Variants in PTPRC observed in about 807,000 individuals in gnomAD.
PTPRC encodes protein tyrosine phosphatase receptor type C.
A neutral mutation model predicts 155.9 loss-of-function variants in PTPRC; 44 were observed. The observed-to-expected ratio is 0.28, with a 90% CI of 0.22 to 0.36. The LOEUF (loss-of-function observed/expected upper bound fraction) is 0.36. Ranked by LOEUF, PTPRC falls within the 10% of genes least tolerant of loss-of-function variation. The probability of loss-of-function intolerance (pLI) is 1.00; values close to 1 mark genes in which losing one functional copy is unlikely to be tolerated. For missense variants in PTPRC, 1,401 were observed against 1,564.6 expected, an observed-to-expected ratio of 0.90 and a Z score of 1.76; for synonymous variants, 525 against 533.1, an observed-to-expected ratio of 0.98 and a Z score of 0.21.
chr1:198,668,193 A>G (rs1305288959), intron 2 of PTPRC, among the ~76,000 whole-genome samples: 2 of 152,116 alleles, frequency 1.3e-5, no homozygotes, highest in Non-Finnish European at 2.9e-5. Flanking sequence ...CCAAAGTGGT[A>G]TCATGGTGTG....
Position 198,732,280 on chromosome 1 carries a change from G to T in PTPRC, c.1975-20G>T, listed in dbSNP as rs751337024. On this transcript the variant is annotated intron_variant, in intron 18 of 32. Coordinates refer to ENST00000442510, the MANE Select transcript of PTPRC (RefSeq NM_002838.5). ...TTTTCCTGAATCTGCTGTGATCCAA[G>T]AAATCGTTGTTTCTTTCAGAGCATC... 6.3e-7 allele frequency: 1 copy of T among 1,591,904 alleles called. No homozygotes were observed. Among genetic ancestry groups the T allele is most frequent in the South Asian group, 1.1e-5 (1 of 90,526 alleles).
At position 198,689,829 on chromosome 1, in the gene PTPRC, C is replaced by T. The variant is rs146629672; in HGVS notation, c.74-2518C>T. 8.6e-3 allele frequency among the ~76,000 whole-genome samples: 1,313 copies of T among 152,130 alleles called. 18 individuals are homozygous for T. Among genetic ancestry groups the T allele is most frequent in the Middle Eastern group, 0.034 (10 of 294 alleles). Reference sequence around the variant, plus strand: ...TATGTGATTCATGCTGATGTTGATGCGAGAAATTTTGATTATTAGTCTTAA... The same window carrying T: ...TATGTGATTCATGCTGATGTTGATGTGAGAAATTTTGATTATTAGTCTTAA... On this transcript the variant is annotated intron_variant, in intron 2 of 32. Transcript: ENST00000442510.
chr1:198,641,732 G>A (rs1030369381), intron 2 of PTPRC, among the ~76,000 whole-genome samples: 1 of 151,970 alleles, frequency 6.6e-6, no homozygotes, highest in Non-Finnish European at 1.5e-5. Context: ...AAGTTGTAAT[G>A]CCAGGCAGAT....
intron 2 of PTPRC, chr1:198,679,937 C>A: frequency 3.3e-6 from 2 of 614,502 alleles, no homozygotes; most frequent in East Asian, 6.1e-5. Flanking sequence ...TTGCCCAGCT[C>A]GTCCACCGTC....
chr1:198,748,834 C>T (rs541640947), intron 27 of PTPRC, among the ~76,000 whole-genome samples: 1 of 151,746 alleles, frequency 6.6e-6, no homozygotes, highest in South Asian at 2.1e-4. Flanking sequence ...CAGATCAGTG[C>T]ATGGTTGACC....
intron 32 of PTPRC, among the ~76,000 whole-genome samples, chr1:198,755,446 G>C (rs1412738063): frequency 1.3e-5 from 2 of 151,218 alleles, no homozygotes; most frequent in Non-Finnish European, 2.9e-5. Flanking sequence ...TTGGTATGAG[G>C]GAAAGCCAGG....
intron 5 of PTPRC, among the ~76,000 whole-genome samples, chr1:198,701,403 C>CA (rs1390565108): frequency 6.6e-6 from 1 of 152,162 alleles, no homozygotes; most frequent in African/African-American, 2.4e-5. Flanking sequence ...AATCTCACAT[C>CA]ATTGAACTGA....
At chr1:198,695,499 C>T (rs1368184905) in intron 3 of PTPRC, among the ~76,000 whole-genome samples, 2 of 135,664 alleles carry the variant, frequency 1.5e-5, no homozygotes, top group East Asian at 2.1e-4. Context: ...TTTTTTAACA[C>T]ATTTGGTATA....
Position 198,731,661 on chromosome 1 carries a change from A to G in PTPRC, c.1909A>G (p.Ile637Val). The G allele has an allele frequency of 6.2e-7, 1 of 1,611,728 alleles. No homozygotes were observed. The highest frequency in any genetic ancestry group is 2.2e-5 in the East Asian group (1 of 44,724). Residue 637 changes from isoleucine to valine, a missense_variant, in exon 18 of 33, where the codon ATT becomes GTT. Coordinates refer to ENST00000442510, the MANE Select transcript of PTPRC (RefSeq NM_002838.5). The stretch of plus-strand genomic sequence containing the variant: ...GAATGTGGAGCCAATCCATGCAGAT[A>G]TTTTGTTGGAAACTTATAAGAGGAA... Reference protein sequence around the residue: ...LMNVEPIHADILLETYKRKIA... With the variant: ...LMNVEPIHADVLLETYKRKIA...
chr1:198,652,601 A>G (rs1183911335), intron 2 of PTPRC, among the ~76,000 whole-genome samples: 1 of 151,648 alleles, frequency 6.6e-6, no homozygotes, highest in Non-Finnish European at 1.5e-5. Flanking sequence ...TCAAGGATAA[A>G]GTGTAAATGA....
At chr1:198,755,816 T>C in intron 32 of PTPRC, 90 bp from the exon 33 acceptor site, 1 of 1,349,990 alleles carries the variant, frequency 7.4e-7, no homozygotes, top group South Asian at 1.2e-5. Context: ...CTTCCACAAA[T>C]AAATCATTAG....
chr1:198,639,544 G>A lies in PTPRC; in HGVS notation c.73+203G>A, dbSNP rs567062751. ...CTGTTTACAAAGACATAAATGTTTCGGGACAAAAAATACAATTTTAAAAGG... is the reference window on the plus strand; with the variant it reads ...CTGTTTACAAAGACATAAATGTTTCAGGACAAAAAATACAATTTTAAAAGG... On this transcript the variant is annotated intron_variant, in intron 2 of 32. Coordinates refer to ENST00000442510, the MANE Select transcript of PTPRC (RefSeq NM_002838.5). Among the ~76,000 whole-genome samples the A allele has an allele frequency of 2.1e-3, 325 of 151,906 alleles. 1 individual carries two copies. Among genetic ancestry groups the A allele is most frequent in the Middle Eastern group, 3.4e-3 (1 of 294 alleles).
At chr1:198,708,106 A>G in intron 9 of PTPRC, 27 bp from the exon 10 acceptor site, 4 of 1,584,424 alleles carry the variant, frequency 2.5e-6, no homozygotes, top group Non-Finnish European at 3.5e-6. Context: ...AATACTAATC[A>G]AGTTTATTTC....
intron 14 of PTPRC, among the ~76,000 whole-genome samples, chr1:198,721,353 T>C (rs1039229131): frequency 1.3e-5 from 2 of 152,178 alleles, no homozygotes; most frequent in Non-Finnish European, 2.9e-5. Flanking sequence ...TTCTTCCTTG[T>C]AATTTTTTTT....
At chr1:198,691,416 G>T (rs2102365717) in intron 2 of PTPRC, among the ~76,000 whole-genome samples, 1 of 152,010 alleles carries the variant, frequency 6.6e-6, no homozygotes, top group African/African-American at 2.4e-5. Flanking sequence ...CACTTGAAAG[G>T]ATTTACAAAG....
intron 3 of PTPRC, among the ~76,000 whole-genome samples, chr1:198,695,432 A>T (rs915123871): frequency 6.6e-6 from 1 of 151,000 alleles, no homozygotes; most frequent in African/African-American, 2.4e-5. Context: ...AAAAAAAAAA[A>T]AAAAAATTAA....
intron 23 of PTPRC, among the ~76,000 whole-genome samples, chr1:198,735,456 C>T (rs1057353114): frequency 2.0e-5 from 3 of 150,558 alleles, no homozygotes; most frequent in African/African-American, 4.9e-5. Context: ...CAACTCAAAT[C>T]GAAAGAATTA....
intron 9 of PTPRC, 38 bp from the exon 10 acceptor site, chr1:198,708,095 A>C (rs1553239418): frequency 6.4e-7 from 1 of 1,564,032 alleles, no homozygotes; most frequent in Non-Finnish European, 8.8e-7. Flanking sequence ...ACACATTATG[A>C]AATACTAATC....
intron 2 of PTPRC, among the ~76,000 whole-genome samples, chr1:198,677,958 TAC>T (rs763886939): frequency 1.3e-5 from 2 of 152,116 alleles, no homozygotes; most frequent in Non-Finnish European, 2.9e-5. Flanking sequence ...TATTTCCAGG[TAC>T]AGTTTTACAT....
Sources: gnomAD v4.1 joint callset for allele counts (sites outside exome capture counted in the v4.1 genomes callset) on GRCh38, gnomAD v4.1.1 for gene constraint, MANE v1.5 for transcripts, NCBI Gene and HGNC (gene_info 2026-07-23, HGNC 2026-07-21) for gene names.